Variants in SGCZ observed in about 807,000 individuals in gnomAD.
SGCZ encodes sarcoglycan zeta.
In SGCZ, 40 loss-of-function variants were observed where a neutral mutation model predicts 41.3. That is an observed-to-expected ratio of 0.97 (90% CI 0.75 to 1.26). The LOEUF (loss-of-function observed/expected upper bound fraction) is 1.26. Among genes scored for constraint, SGCZ ranks in the 50% most tolerant of loss-of-function variants. The pLI, the probability that SGCZ is intolerant of heterozygous loss-of-function variation, is 0.00. For synonymous variants in SGCZ, 206 were observed against 137.5 expected (o/e 1.50, Z -3.49); for missense variants, 552 against 369.8 (o/e 1.49, Z -4.04).
At chr8:14,172,015 T>C (rs1449270608) in intron 4 of SGCZ, among the ~76,000 whole-genome samples, 2 of 152,152 alleles carry the variant, frequency 1.3e-5, no homozygotes, top group Admixed American at 6.6e-5. Flanking sequence ...GTATATGGAA[T>C]GCTTAGAATT....
At chr8:15,060,833 C>T (rs1031903944) in intron 1 of SGCZ, among the ~76,000 whole-genome samples, 9 of 152,016 alleles carry the variant, frequency 5.9e-5, no homozygotes, top group African/African-American at 2.2e-4. Context: ...TACCTAATTT[C>T]AAACTGAAAA....
intron 5 of SGCZ, among the ~76,000 whole-genome samples, chr8:14,128,862 C>G (rs918826634): frequency 6.6e-6 from 1 of 152,090 alleles, no homozygotes; most frequent in Non-Finnish European, 1.5e-5. Context: ...ACGACATATT[C>G]TCACTTCTAA....
chr8:14,928,103 C>T (rs1454779225), intron 1 of SGCZ, among the ~76,000 whole-genome samples: 4 of 152,164 alleles, frequency 2.6e-5, no homozygotes, highest in African/African-American at 9.7e-5. Flanking sequence ...GTCACTCTGC[C>T]ATCCATGCTG....
At chr8:14,091,021 G>C (rs1027563434) in intron 7 of SGCZ, among the ~76,000 whole-genome samples, 1 of 151,940 alleles carries the variant, frequency 6.6e-6, no homozygotes, top group African/African-American at 2.4e-5. Context: ...GATGTGTGAT[G>C]TTCCCTGCCC....
chr8:15,005,332 T>TC lies in SGCZ; in HGVS notation c.39+232252_39+232253insG, dbSNP rs1202499548. 1.0e-3 allele frequency among the ~76,000 whole-genome samples: 134 copies of TC among 129,992 alleles called. 1 individual carries two copies. Among genetic ancestry groups the TC allele is most frequent in the African/African-American group, 3.6e-3 (127 of 35,100 alleles). The allele number at this position is 129,992 out of a possible 152,430, so 85.3% of individuals were successfully genotyped here. A position where few individuals can be genotyped will look rare whatever the true frequency, so the allele number is the denominator to read the frequency against. ...CTCCCCCGTTTTTTTCTTTTTCTTT[T>TC]TTTTTTTTTTTTTTTTGACATGGAG... On this transcript the variant is annotated intron_variant, in intron 1 of 7. Transcript: ENST00000382080.
intron 1 of SGCZ, among the ~76,000 whole-genome samples, chr8:14,675,386 G>C (rs931748884): frequency 2.0e-5 from 3 of 151,834 alleles, no homozygotes; most frequent in African/African-American, 7.3e-5. Flanking sequence ...TATTGTTTCA[G>C]AAAGGTCCAT....
At chr8:14,369,980 G>A (rs1803852783) in intron 2 of SGCZ, among the ~76,000 whole-genome samples, 1 of 151,878 alleles carries the variant, frequency 6.6e-6, no homozygotes, top group African/African-American at 2.4e-5. Flanking sequence ...TATTTATTCT[G>A]ATGATGGAAA....
intron 1 of SGCZ, among the ~76,000 whole-genome samples, chr8:15,023,225 T>C (rs1803321457): frequency 6.6e-6 from 1 of 152,192 alleles, no homozygotes; most frequent in African/African-American, 2.4e-5. Flanking sequence ...GTCAATCAAG[T>C]TCATGACTTT....
At chr8:14,426,905 G>C (rs1300530239) in intron 2 of SGCZ, among the ~76,000 whole-genome samples, 1 of 152,064 alleles carries the variant, frequency 6.6e-6, no homozygotes, top group Non-Finnish European at 1.5e-5. Context: ...TTGTCTCTAA[G>C]AACTCATTTC....
At chr8:14,473,549 A>T (rs966150178) in intron 2 of SGCZ, among the ~76,000 whole-genome samples, 2 of 152,216 alleles carry the variant, frequency 1.3e-5, no homozygotes, top group Admixed American at 6.5e-5. Flanking sequence ...CAGAATTGTC[A>T]ACTACATAGG....
intron 1 of SGCZ, among the ~76,000 whole-genome samples, chr8:15,178,588 T>A (rs1259414979): frequency 6.6e-6 from 1 of 152,246 alleles, no homozygotes; most frequent in East Asian, 1.9e-4. Context: ...AGATGCAATG[T>A]TATACAGCAA....
chr8:14,922,771 G>A (rs1010247892), intron 1 of SGCZ, among the ~76,000 whole-genome samples: 1 of 152,086 alleles, frequency 6.6e-6, no homozygotes, highest in African/African-American at 2.4e-5. Context: ...TAACAATTCA[G>A]TGCAATATAT....
chr8:14,891,061 C>G (rs1473258065), intron 1 of SGCZ, among the ~76,000 whole-genome samples: 2 of 152,182 alleles, frequency 1.3e-5, no homozygotes. Flanking sequence ...CCTAATCAAC[C>G]AAAAGGCCTG....
At chr8:14,207,522 T>A (rs913619137) in intron 4 of SGCZ, among the ~76,000 whole-genome samples, 18 of 152,204 alleles carry the variant, frequency 1.2e-4, no homozygotes, top group African/African-American at 4.3e-4. Context: ...CTAGTCAACA[T>A]TGATCTAGTT....
chr8:15,200,689 T>C (rs1800862693), intron 1 of SGCZ, among the ~76,000 whole-genome samples: 1 of 152,120 alleles, frequency 6.6e-6, no homozygotes, highest in Non-Finnish European at 1.5e-5. Context: ...GATCAAAACA[T>C]AGTAGATCAG....
At chr8:14,724,067 A>C (rs1032244440) in intron 1 of SGCZ, among the ~76,000 whole-genome samples, 1 of 152,158 alleles carries the variant, frequency 6.6e-6, no homozygotes, top group Non-Finnish European at 1.5e-5. Context: ...ATGAAATCTC[A>C]AAATAACTAT....
At chr8:15,180,194 T>C (rs1800126343) in intron 1 of SGCZ, among the ~76,000 whole-genome samples, 1 of 152,188 alleles carries the variant, frequency 6.6e-6, no homozygotes, top group South Asian at 2.1e-4. Flanking sequence ...TATCATGATG[T>C]CACTACAAAC....
At chr8:15,194,003 G>C (rs576934745) in intron 1 of SGCZ, among the ~76,000 whole-genome samples, 2 of 152,250 alleles carry the variant, frequency 1.3e-5, no homozygotes, top group South Asian at 4.1e-4. Context: ...TAACTAGCCA[G>C]TGTAACTTGT....
chr8:14,548,745 G>C (rs1803708326), intron 2 of SGCZ, among the ~76,000 whole-genome samples: 1 of 152,114 alleles, frequency 6.6e-6, no homozygotes, highest in Non-Finnish European at 1.5e-5. Context: ...CTGTGCATGT[G>C]TATGTGTATT....
Sources: gnomAD v4.1 joint callset for allele counts (sites outside exome capture counted in the v4.1 genomes callset) on GRCh38, gnomAD v4.1.1 for gene constraint, MANE v1.5 for transcripts, NCBI Gene and HGNC (gene_info 2026-07-23, HGNC 2026-07-21) for gene names.